THSD7B: variants seen among roughly 807,000 people sequenced by gnomAD.
THSD7B encodes thrombospondin type-1 domain-containing protein 7B.
Under a neutral mutation model 213.6 loss-of-function variants are expected in THSD7B, and 138 were observed. The observed-to-expected ratio is 0.65, with a 90% confidence interval of 0.56 to 0.74. THSD7B has a LOEUF of 0.74. Ranked by LOEUF, THSD7B falls within the 30% of genes least tolerant of loss-of-function variation. The probability of loss-of-function intolerance (pLI) is 0.00; values close to 1 mark genes in which losing one functional copy is unlikely to be tolerated. For missense variants in THSD7B, 1,931 were observed against 1,991.5 expected (o/e 0.97, Z 0.58); for synonymous variants, 742 against 687.0 (o/e 1.08, Z -1.25).
chr2:137,368,522 T>A (rs1685471499), intron 12 of THSD7B, among the ~76,000 whole-genome samples: 1 of 152,138 alleles, frequency 6.6e-6, no homozygotes, highest in African/African-American at 2.4e-5. Flanking sequence ...AGATCATGTA[T>A]CAATGCAGTT....
intron 3 of THSD7B, among the ~76,000 whole-genome samples, chr2:137,079,859 G>T (rs910614955): frequency 6.6e-6 from 1 of 151,888 alleles, no homozygotes; most frequent in African/African-American, 2.4e-5. Context: ...TTGTGTTCTG[G>T]GATGGAGTCT....
At chr2:137,666,571 T>C (rs1683452598) in intron 26 of THSD7B, among the ~76,000 whole-genome samples, 1 of 142,814 alleles carries the variant, frequency 7.0e-6, no homozygotes, top group African/African-American at 2.5e-5. Context: ...AATAAGATAC[T>C]GTTATGTGTA....
chr2:137,036,325 T>C lies in THSD7B; in HGVS notation c.140-20095T>C, dbSNP rs191900321. ...TGAAATGTCAACATGTATAATCTTT[T>C]CGTTACATCTTTGTTTTATGTCACC... On this transcript the variant is annotated intron_variant, in intron 2 of 27. Transcript: ENST00000409968. Among the ~76,000 whole-genome samples, 4 of 152,312 alleles carry C rather than the reference T, an allele frequency of 2.6e-5. No homozygotes were observed. In the East Asian group the frequency reaches 7.7e-4, roughly 29 times the overall value.
chr2:137,304,984 C>G lies in THSD7B; in HGVS notation c.2500+28958C>G, dbSNP rs1474001045. Among the ~76,000 whole-genome samples, 4 of 152,076 alleles carry G rather than the reference C, an allele frequency of 2.6e-5. No individual in the cohort carries two copies. In the East Asian group the frequency reaches 7.7e-4, roughly 29 times the overall value. ...ATATACCCATGGGGGCTTTCTAGAC[C>G]TGCTGCATGATTATAAAATAGGACC... On this transcript the variant is annotated intron_variant, in intron 12 of 27. Transcript: ENST00000409968.
intron 1 of THSD7B, among the ~76,000 whole-genome samples, chr2:136,820,772 C>A (rs979730954): frequency 6.6e-6 from 1 of 152,076 alleles, no homozygotes; most frequent in Non-Finnish European, 1.5e-5. Flanking sequence ...TTTCCTTGTT[C>A]TTACAAAATA....
At chr2:137,325,978 C>G (rs1438588424) in intron 12 of THSD7B, among the ~76,000 whole-genome samples, 1 of 152,206 alleles carries the variant, frequency 6.6e-6, no homozygotes, top group African/African-American at 2.4e-5. Flanking sequence ...TGTGAGGGAG[C>G]ATTTTTCTTA....
At chr2:137,467,532 C>T (rs1460561145) in intron 15 of THSD7B, among the ~76,000 whole-genome samples, 2 of 152,048 alleles carry the variant, frequency 1.3e-5, no homozygotes, top group African/African-American at 4.8e-5. Flanking sequence ...AAGGTTTTTT[C>T]GTAGGCTGAT....
chr2:136,940,727 A>AATAT (rs1553459489), intron 2 of THSD7B, among the ~76,000 whole-genome samples: 20 of 48,014 alleles, frequency 4.2e-4, no homozygotes, highest in South Asian at 2.6e-3. Context: ...ATATATATAT[A>AATAT]ATATATATAT....
At chr2:136,848,447 T>C (rs1046104125) in intron 1 of THSD7B, among the ~76,000 whole-genome samples, 2 of 151,566 alleles carry the variant, frequency 1.3e-5, no homozygotes, top group African/African-American at 2.4e-5. Flanking sequence ...GCCAGTGATA[T>C]AACATACAGT....
chr2:137,247,545 A>G (rs1682067063), intron 10 of THSD7B, among the ~76,000 whole-genome samples: 1 of 152,186 alleles, frequency 6.6e-6, no homozygotes, highest in African/African-American at 2.4e-5. Context: ...ATTTCTAGAA[A>G]CCATGGAGCT....
At chr2:137,593,110 T>G (rs1681896642) in intron 17 of THSD7B, among the ~76,000 whole-genome samples, 1 of 151,978 alleles carries the variant, frequency 6.6e-6, no homozygotes, top group Non-Finnish European at 1.5e-5. Flanking sequence ...TTTGTTCTTT[T>G]TTGTTGTTAA....
intron 12 of THSD7B, among the ~76,000 whole-genome samples, chr2:137,291,571 C>T (rs72975620): frequency 0.024 from 3,661 of 152,122 alleles, 162 homozygotes; most frequent in African/African-American, 0.084. Flanking sequence ...AAGTCAAATG[C>T]AGAAATTATA....
At chr2:137,057,282 C>A in intron 3 of THSD7B, 52 bp downstream of exon 3, 4 of 1,421,876 alleles carry the variant, frequency 2.8e-6, no homozygotes, top group South Asian at 1.4e-5. Flanking sequence ...TTTTATAGTG[C>A]AACTTTATAA....
intron 2 of THSD7B, among the ~76,000 whole-genome samples, chr2:136,977,606 A>C (rs1685500868): frequency 6.6e-6 from 1 of 152,052 alleles, no homozygotes; most frequent in Non-Finnish European, 1.5e-5. Flanking sequence ...TTAGTGCTAT[A>C]AATTTCCCTC....
At chr2:136,996,919 G>C (rs1685902927) in intron 2 of THSD7B, among the ~76,000 whole-genome samples, 1 of 152,170 alleles carries the variant, frequency 6.6e-6, no homozygotes, top group Non-Finnish European at 1.5e-5. Flanking sequence ...AGTGATTGGA[G>C]AGTGGGTTAT....
chr2:137,063,420 A>G (rs1010734871), intron 3 of THSD7B, among the ~76,000 whole-genome samples: 1 of 151,858 alleles, frequency 6.6e-6, no homozygotes, highest in Non-Finnish European at 1.5e-5. Flanking sequence ...GTAGGTGTAT[A>G]TATTTATGGG....
chr2:137,246,894 T>C (rs997928161), intron 10 of THSD7B, among the ~76,000 whole-genome samples: 4 of 152,186 alleles, frequency 2.6e-5, no homozygotes, highest in African/African-American at 9.7e-5. Context: ...CAGCCTTTAG[T>C]TTTTTCAATG....
intron 2 of THSD7B, among the ~76,000 whole-genome samples, chr2:136,907,979 G>GT (rs1283935529): frequency 7.2e-5 from 11 of 152,054 alleles, no homozygotes; most frequent in South Asian, 2.1e-4. Context: ...TTTATCTGAA[G>GT]TTTTTTTTAT....
At position 137,189,578 on chromosome 2, in the gene THSD7B, T is replaced by C. The variant is rs544573710; in HGVS notation, c.1723+18640T>C. Among the ~76,000 whole-genome samples, 645 of 143,886 alleles carry C rather than the reference T, an allele frequency of 4.5e-3. 5 individuals are homozygous for C. The highest frequency in any genetic ancestry group is 0.013 in the African/African-American group (514 of 40,800). The allele number at this position is 143,886 out of a possible 152,430, so 94.4% of individuals were successfully genotyped here. A position where few individuals can be genotyped will look rare whatever the true frequency, so the allele number is the denominator to read the frequency against. ...ATGACCTATGCCCTCCAGAGCTTGG[T>C]TCAAATCTGCTCCATCCACAGGTTC... On this transcript the variant is annotated intron_variant, in intron 7 of 27. Transcript: ENST00000409968.
Sources: gnomAD v4.1 joint callset for allele counts (sites outside exome capture counted in the v4.1 genomes callset) on GRCh38, gnomAD v4.1.1 for gene constraint, MANE v1.5 for transcripts, NCBI Gene and HGNC (gene_info 2026-07-23, HGNC 2026-07-21) for gene names.